Variants in DPP10 observed in about 807,000 individuals in gnomAD.
DPP10 encodes the protein inactive dipeptidyl peptidase 10.
In DPP10, 33 loss-of-function variants were observed where a neutral mutation model predicts 120.9. The observed-to-expected ratio is 0.27, with a 90% CI of 0.21 to 0.37. The LOEUF (loss-of-function observed/expected upper bound fraction) is 0.37, where lower values mean the gene tolerates loss of function less well. Among genes scored for constraint, DPP10 ranks in the 10% least tolerant of loss-of-function variants. The pLI is 1.00. For synonymous variants in DPP10, 337 were observed against 326.1 expected (o/e 1.03, Z -0.36); for missense variants, 816 against 942.8 (o/e 0.87, Z 1.76).
intron 3 of DPP10, among the ~76,000 whole-genome samples, chr2:115,379,858 C>T (rs192438737): frequency 1.6e-4 from 24 of 152,170 alleles, no homozygotes; most frequent in Non-Finnish European, 1.9e-4. Flanking sequence ...TGGAGTTGAG[C>T]GGTTTTGAGT....
At chr2:115,453,045 A>T (rs1365091417) in intron 3 of DPP10, among the ~76,000 whole-genome samples, 2 of 151,740 alleles carry the variant, frequency 1.3e-5, no homozygotes, top group Non-Finnish European at 3.0e-5. Flanking sequence ...AATATGGTTT[A>T]TATAAACTTA....
chr2:115,003,387 G>C (rs1201362997), intron 1 of DPP10, among the ~76,000 whole-genome samples: 1 of 152,012 alleles, frequency 6.6e-6, no homozygotes, highest in East Asian at 1.9e-4. Flanking sequence ...AGGAGGGAGA[G>C]GAAGAGAAAA....
chr2:115,003,748 A>T (rs1701614926), intron 1 of DPP10, among the ~76,000 whole-genome samples: 1 of 152,144 alleles, frequency 6.6e-6, no homozygotes, highest in Non-Finnish European at 1.5e-5. Context: ...ATATTGACCA[A>T]AATTTTTATA....
intron 3 of DPP10, among the ~76,000 whole-genome samples, chr2:115,375,220 T>C (rs969264602): frequency 6.6e-6 from 1 of 152,212 alleles, no homozygotes; most frequent in South Asian, 2.1e-4. Flanking sequence ...TTGAACGATT[T>C]GCTGCTTAGA....
chr2:114,517,051 A>AACT, intron 1 of DPP10, among the ~76,000 whole-genome samples: 1 of 152,076 alleles, frequency 6.6e-6, no homozygotes, highest in Non-Finnish European at 1.5e-5. Context: ...ACTTTAGGGT[A>AACT]TTCTGTATCC....
chr2:115,158,884 A>G (rs541032697), intron 1 of DPP10, among the ~76,000 whole-genome samples: 1 of 152,216 alleles, frequency 6.6e-6, no homozygotes, highest in Admixed American at 6.5e-5. Flanking sequence ...AACATTATCA[A>G]GACAAAATTG....
chr2:115,520,006 T>A (rs1420246590), intron 4 of DPP10, among the ~76,000 whole-genome samples: 2 of 152,150 alleles, frequency 1.3e-5, no homozygotes, highest in Non-Finnish European at 2.9e-5. Context: ...GTGAGGGAAG[T>A]TATACCCTAA....
At chr2:114,834,764 G>C (rs77775602) in intron 1 of DPP10, among the ~76,000 whole-genome samples, 1 of 33,124 alleles carries the variant, frequency 3.0e-5, no homozygotes, top group Admixed American at 4.6e-4. Flanking sequence ...CCATGTCTAC[G>C]CACCTATGTA....
chr2:115,281,247 G>A (rs924680634), intron 1 of DPP10, among the ~76,000 whole-genome samples: 7 of 152,080 alleles, frequency 4.6e-5, no homozygotes, highest in Non-Finnish European at 7.4e-5. Context: ...GTAAAACTTC[G>A]GCTTTTCATT....
Position 115,840,730 on chromosome 2 carries a change from C to G in DPP10, c.2183-20C>G, listed in dbSNP as rs778228595. On this transcript the variant is annotated intron_variant, in intron 24 of 25. Coordinates refer to ENST00000410059, the MANE Select transcript of DPP10 (RefSeq NM_020868.6). ...ACAAGCAGTGTGTTTCTTCAGATAT[C>G]ATAATTTGATTTCTTGCAGCAAAAG... The G allele has an allele frequency of 2.5e-6, 4 of 1,609,328 alleles. No individual in the cohort carries two copies. The highest frequency in any genetic ancestry group is 3.4e-6 in the Non-Finnish European group (4 of 1,177,262).
intron 1 of DPP10, among the ~76,000 whole-genome samples, chr2:115,260,456 A>G (rs1454823670): frequency 6.6e-6 from 1 of 152,202 alleles, no homozygotes; most frequent in Non-Finnish European, 1.5e-5. Context: ...AACTCAAGAA[A>G]GGCTTGGCGC....
At chr2:115,548,489 A>G (rs1476959403) in intron 5 of DPP10, among the ~76,000 whole-genome samples, 2 of 152,150 alleles carry the variant, frequency 1.3e-5, no homozygotes, top group Non-Finnish European at 2.9e-5. Context: ...CGGCACACAC[A>G]GGAGTATTCT....
intron 17 of DPP10, among the ~76,000 whole-genome samples, chr2:115,783,423 CAGTT>C (rs940867438): frequency 2.0e-5 from 3 of 152,052 alleles, no homozygotes; most frequent in East Asian, 1.9e-4. Context: ...AAGTAGGAGT[CAGTT>C]AGGTGGCTTG....
At chr2:115,840,325 T>G (rs1465827939) in intron 24 of DPP10, among the ~76,000 whole-genome samples, 14 of 116,732 alleles carry the variant, frequency 1.2e-4, no homozygotes, top group African/African-American at 4.2e-4. Flanking sequence ...TTTGGTTTTT[T>G]TTTTTTTTTT....
chr2:114,760,312 T>C (rs1262512064), intron 1 of DPP10, among the ~76,000 whole-genome samples: 1 of 152,244 alleles, frequency 6.6e-6, no homozygotes, highest in East Asian at 1.9e-4. Context: ...CACCCTCCCT[T>C]TGGCGTGCAT....
rs1282835002 is a variant in DPP10, at chr2:115,361,613, A to G, written c.271+17701A>G. 2.0e-5 allele frequency among the ~76,000 whole-genome samples: 3 copies of G among 152,036 alleles called. No individual in the cohort carries two copies. In the South Asian group the frequency reaches 6.2e-4, roughly 32 times the overall value. On this transcript the variant is annotated intron_variant, in intron 3 of 25. Coordinates refer to ENST00000410059, the MANE Select transcript of DPP10 (RefSeq NM_020868.6). ...CCAAGCAGTTCCCCTGCCGATTCAAATGTTTTTTGGGGTCACAGGATCTCT... is the reference window on the plus strand; with the variant it reads ...CCAAGCAGTTCCCCTGCCGATTCAAGTGTTTTTTGGGGTCACAGGATCTCT...
rs1223106398 is a variant in DPP10, at chr2:115,468,238, C to G, written c.272-31272C>G. On this transcript the variant is annotated intron_variant, in intron 3 of 25. Transcript: ENST00000410059. The stretch of plus-strand genomic sequence containing the variant: ...GGACTCAGGAGAAGCTTCTGCTGAC[C>G]GCTCGTGTCATTGTTGCCATTGAAA... The G allele has an allele frequency of 2.0e-5, 10 of 503,778 alleles. No homozygotes were observed. The Admixed American group carries it at 2.0e-4, about 10-fold the overall frequency. 31.2% of individuals were successfully genotyped at this position (503,778 alleles called of 1,614,324 possible).
intron 19 of DPP10, among the ~76,000 whole-genome samples, chr2:115,797,779 C>T (rs1238840281): frequency 6.6e-6 from 1 of 151,886 alleles, no homozygotes; most frequent in East Asian, 1.9e-4. Context: ...TAAATGTCAG[C>T]ATTAACTTCT....
intron 5 of DPP10, among the ~76,000 whole-genome samples, chr2:115,660,391 A>C (rs1368900585): frequency 3.3e-5 from 5 of 152,212 alleles, no homozygotes; most frequent in African/African-American, 1.2e-4. Context: ...ATATCTGGAC[A>C]TAGGAGTTTA....
Sources: gnomAD v4.1 joint callset for allele counts (sites outside exome capture counted in the v4.1 genomes callset) on GRCh38, gnomAD v4.1.1 for gene constraint, MANE v1.5 for transcripts, NCBI Gene and HGNC (gene_info 2026-07-23, HGNC 2026-07-21) for gene names.